The following GLIS3 variants were observed in gnomAD, a reference collection of about 807,000 sequenced individuals.
The protein encoded by GLIS3 is GLIS family zinc finger 3, also known as zinc finger protein GLIS3.
Under a neutral mutation model 78.6 loss-of-function variants are expected in GLIS3, and 53 were observed. The ratio of observed to expected loss-of-function variants is 0.67; its 90% CI spans 0.54 to 0.85. The LOEUF is 0.85. GLIS3 is among the 40% of genes least tolerant of loss of function. The pLI, the probability that GLIS3 is intolerant of heterozygous loss-of-function variation, is 0.00. For missense variants in GLIS3, 1,703 were observed against 1,231.1 expected (o/e 1.38, Z -5.74); for synonymous variants, 684 against 509.9 (o/e 1.34, Z -4.60).
chr9:4,192,779 A>G (rs1032066604), intron 2 of GLIS3, among the ~76,000 whole-genome samples: 1 of 150,370 alleles, frequency 6.7e-6, no homozygotes. Flanking sequence ...TTAGTGAAGC[A>G]AATAAACCAA....
chr9:4,368,454 C>A, the GLIS3 span, among the ~76,000 whole-genome samples: 1 of 151,860 alleles, frequency 6.6e-6, no homozygotes, highest in African/African-American at 2.4e-5. Flanking sequence ...ACGCCCTTCT[C>A]TTGCCTCAGC....
intron 8 of GLIS3, among the ~76,000 whole-genome samples, chr9:3,877,361 C>T (rs1821386181): frequency 6.6e-6 from 1 of 152,334 alleles, no homozygotes; most frequent in African/African-American, 2.4e-5. Context: ...GCTTTGCTGA[C>T]AGATCTTGTG....
chr9:3,943,449 C>T (rs1445339), intron 4 of GLIS3, among the ~76,000 whole-genome samples: 37,799 of 152,098 alleles, frequency 0.25, 6,939 homozygotes, highest in African/African-American at 0.52. Context: ...TAACAGGGCA[C>T]TGAACTCAGG....
chr9:4,033,802 C>T (rs891192565), intron 4 of GLIS3, among the ~76,000 whole-genome samples: 12 of 144,754 alleles, frequency 8.3e-5, no homozygotes, highest in African/African-American at 2.8e-4. Flanking sequence ...AACTAAAATC[C>T]CTTTCATGCA....
At chr9:4,350,410 A>G (rs1817953812), upstream of GLIS3, among the ~76,000 whole-genome samples, 1 of 152,210 alleles carries the variant, frequency 6.6e-6, no homozygotes, top group African/African-American at 2.4e-5. Flanking sequence ...CCATCTCTAT[A>G]TGGATAGAAA....
intron 4 of GLIS3, among the ~76,000 whole-genome samples, chr9:4,067,619 G>A (rs757992645): frequency 1.2e-4 from 19 of 152,094 alleles, no homozygotes; most frequent in Admixed American, 7.9e-4. Flanking sequence ...AGATTCAAGC[G>A]GCCACTTTAT....
chr9:3,953,071 G>GT (rs1360046319), intron 4 of GLIS3, among the ~76,000 whole-genome samples: 6 of 152,016 alleles, frequency 3.9e-5, no homozygotes, highest in Non-Finnish European at 8.8e-5. Context: ...ACCACTTCTT[G>GT]TTTTTTTCTG....
the GLIS3 span, among the ~76,000 whole-genome samples, chr9:4,474,599 C>G: frequency 6.6e-6 from 1 of 151,928 alleles, no homozygotes; most frequent in Admixed American, 6.6e-5. Context: ...AATAAAGCTT[C>G]TAGAACAAAA....
chr9:4,000,669 C>T (rs1467610444), intron 4 of GLIS3, among the ~76,000 whole-genome samples: 1 of 152,170 alleles, frequency 6.6e-6, no homozygotes, highest in East Asian at 1.9e-4. Flanking sequence ...ATCTAACTTC[C>T]AGCAAGGCAA....
In GLIS3 at chr9:4,110,387, T is replaced by C. The variant is rs545864237; in HGVS notation, c.1710+7381A>G. ...AGAAACTGGTTATATCATGTTCCAA[T>C]TTCTCAACAACTTTTTAAACTAATC... On this transcript the variant is annotated intron_variant, in intron 4 of 10. Coordinates refer to ENST00000381971, the MANE Select transcript of GLIS3 (RefSeq NM_001042413.2). Among the ~76,000 whole-genome samples the C allele has an allele frequency of 6.0e-4, 92 of 152,312 alleles. No individual in the cohort carries two copies. The South Asian group carries it at 0.018, about 31-fold the overall frequency.
At chr9:4,082,217 C>T (rs147748439) in intron 4 of GLIS3, among the ~76,000 whole-genome samples, 7 of 152,298 alleles carry the variant, frequency 4.6e-5, no homozygotes, top group African/African-American at 1.4e-4. Flanking sequence ...AAATGTGGCA[C>T]TGCTTATCAG....
intron 2 of GLIS3, among the ~76,000 whole-genome samples, chr9:4,192,845 TAAAG>T (rs1266255833): frequency 6.8e-6 from 1 of 146,294 alleles, no homozygotes; most frequent in Non-Finnish European, 1.5e-5. Context: ...GGAAGAGAGA[TAAAG>T]AAAGAGAAAA....
At chr9:3,922,508 G>A (rs1180681191) in intron 6 of GLIS3, among the ~76,000 whole-genome samples, 1 of 152,196 alleles carries the variant, frequency 6.6e-6, no homozygotes, top group Admixed American at 6.5e-5. Flanking sequence ...AAAGAAGAAT[G>A]GACTCTGAAC....
At chr9:4,362,912 G>A in the GLIS3 span, among the ~76,000 whole-genome samples, 1 of 152,158 alleles carries the variant, frequency 6.6e-6, no homozygotes, top group South Asian at 2.1e-4. Flanking sequence ...GGAGTTAGAG[G>A]GAGGAAGGAG....
the GLIS3 span, among the ~76,000 whole-genome samples, chr9:4,479,904 C>CT: frequency 0.23 from 25,113 of 108,596 alleles, 3,972 homozygotes; most frequent in Non-Finnish European, 0.29. Context: ...ATTTCTTCTT[C>CT]TTTTTTTTTT....
the GLIS3 span, among the ~76,000 whole-genome samples, chr9:4,357,299 C>G: frequency 6.6e-6 from 1 of 152,160 alleles, no homozygotes; most frequent in East Asian, 1.9e-4. Context: ...TTGCCCCTCC[C>G]AAGTGTGGGT....
chr9:4,443,911 A>C, the GLIS3 span, among the ~76,000 whole-genome samples: 2 of 152,192 alleles, frequency 1.3e-5, no homozygotes, highest in African/African-American at 2.4e-5. Context: ...TGACACTACA[A>C]TTCCACTGTG....
intron 2 of GLIS3, among the ~76,000 whole-genome samples, chr9:4,145,410 G>A (rs1346609120): frequency 1.3e-5 from 2 of 151,946 alleles, no homozygotes; most frequent in African/African-American, 4.8e-5. Flanking sequence ...CATATCTTTA[G>A]GTTGCCAAGG....
the GLIS3 span, among the ~76,000 whole-genome samples, chr9:4,405,617 A>G: frequency 2.0e-5 from 3 of 152,120 alleles, no homozygotes; most frequent in Admixed American, 2.0e-4. Flanking sequence ...CCAAGACCCA[A>G]CGGCTTCACT....
Sources: gnomAD v4.1 joint callset for allele counts (sites outside exome capture counted in the v4.1 genomes callset) on GRCh38, gnomAD v4.1.1 for gene constraint, MANE v1.5 for transcripts, NCBI Gene and HGNC (gene_info 2026-07-23, HGNC 2026-07-21) for gene names.